The following CROT variants were observed in gnomAD, a reference collection of about 807,000 sequenced individuals.
The protein encoded by CROT is peroxisomal carnitine O-octanoyltransferase.
CROT carries 84 observed loss-of-function variants against 89.2 expected under a neutral mutation model. The ratio of observed to expected loss-of-function variants is 0.94; its 90% confidence interval spans 0.79 to 1.13. The LOEUF is 1.13. Ranked by LOEUF, CROT falls within the 50% of genes most tolerant of loss-of-function variation. The probability of loss-of-function intolerance (pLI) is 0.00; values close to 1 mark genes in which losing one functional copy is unlikely to be tolerated. For missense variants in CROT, 711 were observed against 727.8 expected (o/e 0.98, Z 0.27); for synonymous variants, 212 against 239.5 (o/e 0.89, Z 1.06).
chr7:87,367,506 A>G (rs895504051), intron 6 of CROT, among the ~76,000 whole-genome samples: 13 of 152,212 alleles, frequency 8.5e-5, no homozygotes, highest in African/African-American at 2.9e-4. Flanking sequence ...CCAAGTCAGT[A>G]GTAATTTGTT....
chr7:87,353,155 C>CT (rs1012809521), intron 3 of CROT, among the ~76,000 whole-genome samples: 21 of 151,370 alleles, frequency 1.4e-4, no homozygotes, highest in Non-Finnish European at 2.5e-4. Context: ...TTTTATTTTT[C>CT]TTTTTTTTTT....
chr7:87,386,885 AG>A (rs1200702047), intron 13 of CROT, among the ~76,000 whole-genome samples: 1 of 152,074 alleles, frequency 6.6e-6, no homozygotes, highest in Non-Finnish European at 1.5e-5. Context: ...TTTACCCTAT[AG>A]GCAAAGATGC....
chr7:87,374,318 T>C (rs1174381553), intron 7 of CROT, among the ~76,000 whole-genome samples: 3 of 152,052 alleles, frequency 2.0e-5, no homozygotes, highest in Non-Finnish European at 2.9e-5. Context: ...TAAAATGTCA[T>C]TTCAGGTTTA....
At position 87,355,571 on chromosome 7, in the gene CROT, TAACCC is replaced by T. The variant is rs563243135; in HGVS notation, c.116-3632_116-3628del. On this transcript the variant is annotated intron_variant, in intron 3 of 17. Transcript: ENST00000331536. Reference sequence around the variant, plus strand: ...CTCAATTGAGAGATGCTGAATTAAATAACCCAAAGAATGAAAATCATCAAGACCAG... The same window carrying T: ...CTCAATTGAGAGATGCTGAATTAAATAAAGAATGAAAATCATCAAGACCAG... Among the ~76,000 whole-genome samples, 428 of 152,236 alleles carry T rather than the reference TAACCC, an allele frequency of 2.8e-3. 2 individuals carry two copies. Among genetic ancestry groups the T allele is most frequent in the Middle Eastern group, 0.01 (3 of 294 alleles).
Position 87,398,543 on chromosome 7 carries a change from G to C in CROT, c.1738G>C (p.Ala580Pro), listed in dbSNP as rs774344387. ...RDDRFVVACS[A>P]WKSCPETDAE... ...TCACAGGTTTGTTGTGGCCTGTTCAGCCTGGAAATCCTGTCCCGAGACTGA... is the reference window on the plus strand; with the variant it reads ...TCACAGGTTTGTTGTGGCCTGTTCACCCTGGAAATCCTGTCCCGAGACTGA... Residue 580 changes from alanine (A) to proline (P), a missense_variant, in exon 18 of 18, where the codon GCC becomes CCC. Ala to Pro is a conservative substitution (Grantham distance 27). Coordinates refer to ENST00000331536, the MANE Select transcript of CROT (RefSeq NM_021151.4). 1.2e-6 allele frequency: 2 copies of C among 1,613,692 alleles called. No individual in the cohort carries two copies. The highest frequency in any genetic ancestry group is 3.3e-5 in the Admixed American group (2 of 60,004).
At chr7:87,376,217 C>T (rs1806807768) in intron 9 of CROT, among the ~76,000 whole-genome samples, 1 of 151,970 alleles carries the variant, frequency 6.6e-6, no homozygotes, top group Non-Finnish European at 1.5e-5. Context: ...CAGTGTTGCT[C>T]AACCTTTTCA....
intron 6 of CROT, among the ~76,000 whole-genome samples, chr7:87,366,974 C>T (rs1806467279): frequency 6.6e-6 from 1 of 152,196 alleles, no homozygotes; most frequent in South Asian, 2.1e-4. Flanking sequence ...TTCTTGTTAG[C>T]TAACAAACTC....
At position 87,375,897 on chromosome 7, in the gene CROT, C is replaced by G. The variant is rs772826233; in HGVS notation, c.820C>G (p.Leu274Val). The G allele has an allele frequency of 6.2e-7, 1 of 1,613,086 alleles. No homozygotes were observed. Among genetic ancestry groups the G allele is most frequent in the East Asian group, 2.2e-5 (1 of 44,850 alleles). ...GTTAGAAAAAATTCAGAGTAGTTTA[C>G]TGGTATATTCCATGGAGGATAGCAG... Reference protein sequence around the residue: ...ALLEKIQSSLLVYSMEDSSPH... With the variant: ...ALLEKIQSSLVVYSMEDSSPH... Residue 274 changes from leucine to valine, a missense_variant, in exon 9 of 18, where the codon CTG becomes GTG. Physicochemically the swap from Leu to Val is conservative, Grantham distance 32. Transcript: ENST00000331536.
chr7:87,372,007 C>CCA (rs1194118740), intron 7 of CROT, among the ~76,000 whole-genome samples: 3 of 124,002 alleles, frequency 2.4e-5, no homozygotes, highest in African/African-American at 9.2e-5. Context: ...AAAAAAAAAA[C>CCA]AAAAAAAAAA....
intron 7 of CROT, 185 bp from the exon 8 acceptor site, chr7:87,375,447 G>T: frequency 1.9e-6 from 1 of 518,190 alleles, no homozygotes; most frequent in Non-Finnish European, 3.4e-6. Context: ...ATATGCTTTT[G>T]GTGTTAATAG....
At chr7:87,367,677 T>C (rs1806488517) in intron 6 of CROT, among the ~76,000 whole-genome samples, 1 of 152,202 alleles carries the variant, frequency 6.6e-6, no homozygotes, top group African/African-American at 2.4e-5. Flanking sequence ...TGAGTCCCGC[T>C]TCCTCTTGCT....
chr7:87,360,092 A>C (rs1452898205), intron 4 of CROT: 1 of 963,360 alleles, frequency 1.0e-6, no homozygotes, highest in Non-Finnish European at 1.2e-6. Flanking sequence ...AGTTGTTTTA[A>C]TTAAAGAGGG....
At chr7:87,364,687 AG>A (rs1806383742) in intron 6 of CROT, among the ~76,000 whole-genome samples, 1 of 152,180 alleles carries the variant, frequency 6.6e-6, no homozygotes, top group African/African-American at 2.4e-5. Context: ...ATAATCTTGC[AG>A]GGGAGAAGAT....
chr7:87,381,274 T>C (rs1042903071), intron 10 of CROT, among the ~76,000 whole-genome samples: 2 of 152,162 alleles, frequency 1.3e-5, no homozygotes, highest in African/African-American at 2.4e-5. Flanking sequence ...AAAAACTTTG[T>C]TCTTCAAAAT....
At chr7:87,378,413 A>C (rs188607542) in intron 10 of CROT, among the ~76,000 whole-genome samples, 88 of 151,992 alleles carry the variant, frequency 5.8e-4, no homozygotes, top group African/African-American at 1.9e-3. Flanking sequence ...ATAGAAACCT[A>C]AATCAAACTA....
intron 6 of CROT, 84 bp from the exon 7 acceptor site, chr7:87,369,292 C>T: frequency 3.9e-6 from 3 of 777,004 alleles, no homozygotes; most frequent in Non-Finnish European, 6.3e-6. Context: ...GGAAGAATGC[C>T]TACTTTTCTT....
In CROT at chr7:87,382,414, C is replaced by A; in HGVS notation, c.1172C>A (p.Ala391Glu). Residue 391 changes from alanine to glutamate, a missense_variant and splice_region_variant, in exon 13 of 18, where the codon GCA becomes GAA. Ala to Glu is a moderately radical substitution (Grantham distance 107). Coordinates refer to ENST00000331536, the MANE Select transcript of CROT (RefSeq NM_021151.4). ...TTCTCATTTAATTCTTCTTGTTAGG[C>A]ATCTGATCTACAGATTGCGGCTTAT... ...NQAKAQYLRE[A>E]SDLQIAAYAF... 6.2e-7 allele frequency: 1 copy of A among 1,610,054 alleles called. No homozygotes were observed. Among genetic ancestry groups the A allele is most frequent in the Non-Finnish European group, 8.5e-7 (1 of 1,178,838 alleles).
intron 13 of CROT, among the ~76,000 whole-genome samples, chr7:87,383,557 A>G (rs1440373809): frequency 1.4e-5 from 2 of 148,058 alleles, no homozygotes; most frequent in Non-Finnish European, 3.0e-5. Flanking sequence ...GTGCAGTGGC[A>G]TGGTCTTGGT....
At chr7:87,371,154 CCTAA>C (rs1806618036) in intron 7 of CROT, among the ~76,000 whole-genome samples, 2 of 152,196 alleles carry the variant, frequency 1.3e-5, no homozygotes, top group Middle Eastern at 3.4e-3. Context: ...AAAATTTTTC[CCTAA>C]CTCAGTGCCA....
Sources: allele counts gnomAD v4.1 joint callset (sites outside exome capture counted in the v4.1 genomes callset), GRCh38; gene constraint gnomAD v4.1.1; transcripts MANE v1.5; gene names NCBI Gene and HGNC (gene_info 2026-07-23, HGNC 2026-07-21).